The following CEP126 variants were observed in gnomAD, a reference collection of about 807,000 sequenced individuals.
CEP126 encodes centrosomal protein of 126 kDa.
In CEP126, 74 loss-of-function variants were observed where a neutral mutation model predicts 107.8. The observed-to-expected ratio is 0.69, with a 90% CI of 0.57 to 0.83. The LOEUF is 0.83. Ranked by LOEUF, CEP126 falls within the 40% of genes least tolerant of loss-of-function variation. CEP126 has a pLI of 0.00. For synonymous variants in CEP126, 449 were observed against 446.0 expected (o/e 1.01, Z -0.08); for missense variants, 1,237 against 1,281.9 (o/e 0.96, Z 0.53).
intron 2 of CEP126, among the ~76,000 whole-genome samples, chr11:101,944,012 C>G (rs1940703393): frequency 6.6e-6 from 1 of 152,046 alleles, no homozygotes; most frequent in African/African-American, 2.4e-5. Flanking sequence ...GGTATGCAAA[C>G]CTGCCAGAAA....
rs367915591 is a variant in CEP126 at position 101,932,584 on chromosome 11, TC to T, written c.248+9825del. 5.8e-3 allele frequency among the ~76,000 whole-genome samples: 876 copies of T among 152,320 alleles called. 3 individuals are homozygous for T. Among genetic ancestry groups the T allele is most frequent in the Middle Eastern group, 0.01 (3 of 294 alleles). On this transcript the variant is annotated intron_variant, in intron 2 of 10. Coordinates refer to ENST00000263468, the MANE Select transcript of CEP126 (RefSeq NM_020802.4). The stretch of plus-strand genomic sequence containing the variant: ...AATTGGTGGTTATTTTCTCAATTTC[TC>T]AAACTTGCTAAGTTTTTTTCCCTCT...
chr11:101,997,254 T>A (rs1349486283), intron 10 of CEP126, among the ~76,000 whole-genome samples: 1 of 152,142 alleles, frequency 6.6e-6, no homozygotes, highest in African/African-American at 2.4e-5. Context: ...GCCAGGCAGG[T>A]CTCGAACTCC....
At position 101,978,444 on chromosome 11, in the gene CEP126, C is replaced by A; in HGVS notation, c.2943C>A (p.Tyr981Ter). Reference protein sequence around the residue: ...RQNPGSVGQKYSEQINNFGQS... With the variant: ...RQNPGSVGQK ...ACCCTGGATCTGTAGGACAGAAGTA[C>A]AGTGAGCAAATTAATGTAAGTATGG... Residue 981 changes from tyrosine to a stop codon, truncating the protein, a stop_gained, in exon 7 of 11, where the codon TAC (tyrosine) becomes TAA (stop). Transcript: ENST00000263468. LOFTEE classifies it high-confidence loss of function. 6.3e-7 allele frequency: 1 copy of A among 1,599,816 alleles called. No homozygotes were observed. The highest frequency in any genetic ancestry group is 2.2e-5 in the East Asian group (1 of 44,706).
chr11:101,933,327 T>TGTGGAAGTTGGAG (rs1268846648), intron 2 of CEP126, among the ~76,000 whole-genome samples: 1 of 152,146 alleles, frequency 6.6e-6, no homozygotes, highest in African/African-American at 2.4e-5. Context: ...TCGTGTTACA[T>TGTGGAAGTTGGAG]GTGGAAGTTG....
intron 9 of CEP126, among the ~76,000 whole-genome samples, chr11:101,992,312 A>C (rs1399809282): frequency 6.6e-6 from 1 of 152,098 alleles, no homozygotes; most frequent in Non-Finnish European, 1.5e-5. Context: ...TTCATGTAAA[A>C]GATTCTGCCT....
chr11:101,997,564 T>C (rs780320875), intron 10 of CEP126, 35 bp from the exon 11 acceptor site: 1 of 1,614,004 alleles, frequency 6.2e-7, no homozygotes, highest in Non-Finnish European at 8.5e-7. Context: ...TTTTGGCATG[T>C]GTTTGCATGC....
At chr11:101,976,215 C>T (rs1941190459) in intron 6 of CEP126, among the ~76,000 whole-genome samples, 2 of 152,120 alleles carry the variant, frequency 1.3e-5, no homozygotes, top group African/African-American at 4.8e-5. Flanking sequence ...TTAAGTATTC[C>T]CTTTTCTTTA....
chr11:101,991,605 G>T (rs1033357593), intron 9 of CEP126, among the ~76,000 whole-genome samples: 1 of 152,134 alleles, frequency 6.6e-6, no homozygotes, highest in East Asian at 1.9e-4. Context: ...TTAAGAGACA[G>T]ATATGTGAGA....
chr11:101,918,696 T>TA (rs1049670747), intron 1 of CEP126, among the ~76,000 whole-genome samples: 1 of 152,214 alleles, frequency 6.6e-6, no homozygotes, highest in African/African-American at 2.4e-5. Flanking sequence ...TCCAAGGGAA[T>TA]AATTCAGGAG....
chr11:101,989,233 ATTAT>A (rs1565370554), intron 9 of CEP126, among the ~76,000 whole-genome samples: 2 of 152,200 alleles, frequency 1.3e-5, no homozygotes, highest in Non-Finnish European at 2.9e-5. Flanking sequence ...GGAATTTCTA[ATTAT>A]TTATATATGA....
At position 101,963,167 on chromosome 11, in the gene CEP126, T is replaced by C. The variant is rs1315587964; in HGVS notation, c.2132T>C (p.Leu711Ser). Residue 711 changes from leucine (L) to serine (S), a missense_variant, in exon 6 of 11, where the codon TTG (leucine) becomes TCG (serine). By Grantham distance (145) the Leu-to-Ser change is moderately radical (BLOSUM62 -2). Coordinates refer to ENST00000263468, the MANE Select transcript of CEP126 (RefSeq NM_020802.4). ...LGGSGADHMPLNCFIPSGYNF... is the reference protein window; with the variant it reads ...LGGSGADHMPSNCFIPSGYNF... ...GGATCTGGAGCAGACCATATGCCTTTGAACTGTTTTATACCTTCAGGTTAT... is the reference window on the plus strand; with the variant it reads ...GGATCTGGAGCAGACCATATGCCTTCGAACTGTTTTATACCTTCAGGTTAT... The C allele has an allele frequency of 1.2e-6, 2 of 1,613,922 alleles. No individual in the cohort carries two copies. The highest frequency in any genetic ancestry group is 3.3e-5 in the Admixed American group (2 of 60,000).
intron 9 of CEP126, among the ~76,000 whole-genome samples, chr11:101,987,609 T>C (rs1941330356): frequency 6.6e-6 from 1 of 151,190 alleles, no homozygotes; most frequent in Non-Finnish European, 1.5e-5. Context: ...CCCGAAGAGC[T>C]GTGCACTACA....
intron 9 of CEP126, among the ~76,000 whole-genome samples, chr11:101,992,182 A>C (rs12049892): frequency 6.6e-6 from 1 of 152,092 alleles, no homozygotes; most frequent in Admixed American, 6.5e-5. Context: ...GGGAGCTACA[A>C]TCATGAACTA....
At chr11:101,929,994 T>G (rs1174210771) in intron 2 of CEP126, among the ~76,000 whole-genome samples, 2 of 146,370 alleles carry the variant, frequency 1.4e-5, no homozygotes, top group Non-Finnish European at 3.0e-5. Flanking sequence ...TTTTTTTTTG[T>G]CTAAGCTTGA....
chr11:101,949,820 G>C (rs912416248), intron 4 of CEP126, among the ~76,000 whole-genome samples: 8 of 152,092 alleles, frequency 5.3e-5, no homozygotes, highest in African/African-American at 1.9e-4. Flanking sequence ...CACAAAGTCA[G>C]TATTACCAAC....
intron 4 of CEP126, among the ~76,000 whole-genome samples, chr11:101,951,674 A>G (rs959312118): frequency 2.6e-5 from 4 of 152,204 alleles, no homozygotes; most frequent in African/African-American, 9.7e-5. Context: ...AAAGGAAATG[A>G]AAAAAAGCAA....
chr11:101,995,711 T>A (rs1356218281), intron 10 of CEP126, among the ~76,000 whole-genome samples: 1 of 152,228 alleles, frequency 6.6e-6, no homozygotes, highest in African/African-American at 2.4e-5. Flanking sequence ...CTTCTCTTAG[T>A]CACCAATCTA....
Position 101,955,210 on chromosome 11 carries a change from T to A in CEP126, c.507-2958T>A, listed in dbSNP as rs1940868414. Among the ~76,000 whole-genome samples the A allele has an allele frequency of 5.9e-5, 8 of 136,066 alleles. No individual in the cohort carries two copies. In the Admixed American group the frequency reaches 6.3e-4, roughly 11 times the overall value. The allele number at this position is 136,066 out of a possible 152,430, so 89.3% of individuals were successfully genotyped here. A position where few individuals can be genotyped will look rare whatever the true frequency, so the allele number is the denominator to read the frequency against. On this transcript the variant is annotated intron_variant, in intron 4 of 10. Transcript: ENST00000263468. ...AAATAGTGAGATATAAGAATATTAA[T>A]AAGGGAGTAAAGTTAAAAATATAAG... is the stretch of plus-strand genomic sequence containing the variant.
Position 101,922,597 on chromosome 11 carries a change from A to C in CEP126, c.129-44A>C, listed in dbSNP as rs755937368. 7 of 1,486,388 alleles carry C rather than the reference A, an allele frequency of 4.7e-6. No homozygotes were observed. The Admixed American group carries it at 8.7e-5, about 19-fold the overall frequency. 92.1% of individuals were successfully genotyped at this position (1,486,388 alleles called of 1,614,324 possible). ...TATCATATAGCACTGACAGTCATCC[A>C]CTAAAGATGTAGACCATTGTTCTTA... On this transcript the variant is annotated intron_variant, in intron 1 of 10. Coordinates refer to ENST00000263468, the MANE Select transcript of CEP126 (RefSeq NM_020802.4).
Sources: gnomAD v4.1 joint callset for allele counts (sites outside exome capture counted in the v4.1 genomes callset) on GRCh38, gnomAD v4.1.1 for gene constraint, MANE v1.5 for transcripts, NCBI Gene and HGNC (gene_info 2026-07-23, HGNC 2026-07-21) for gene names.